The following GPR149 variants were observed in gnomAD, a reference collection of about 807,000 sequenced individuals.
The protein encoded by GPR149 is probable G protein-coupled receptor 149.
A neutral mutation model predicts 50.2 loss-of-function variants in GPR149; 50 were observed. The observed-to-expected ratio is 1.00, with a 90% CI of 0.79 to 1.26. GPR149 has a LOEUF of 1.26. Ranked by LOEUF, GPR149 falls within the 50% of genes most tolerant of loss-of-function variation. The probability of loss-of-function intolerance (pLI) is 0.00; values close to 1 mark genes in which losing one functional copy is unlikely to be tolerated. For synonymous variants in GPR149, 405 were observed against 358.2 expected (o/e 1.13, Z -1.48); for missense variants, 983 against 895.4 (o/e 1.10, Z -1.25).
chr3:154,379,602 T>A (rs917479927), intron 3 of GPR149, among the ~76,000 whole-genome samples: 3 of 152,116 alleles, frequency 2.0e-5, no homozygotes, highest in Non-Finnish European at 4.4e-5. Context: ...CCATTTTGAG[T>A]TAATTTTTGT....
intron 3 of GPR149, among the ~76,000 whole-genome samples, chr3:154,343,758 C>T (rs956815700): frequency 5.3e-5 from 8 of 152,078 alleles, no homozygotes; most frequent in Admixed American, 3.3e-4. Context: ...AGTAGAATCA[C>T]GTGAGCCCAG....
At chr3:154,379,645 T>C (rs892139154) in intron 3 of GPR149, among the ~76,000 whole-genome samples, 11 of 152,160 alleles carry the variant, frequency 7.2e-5, no homozygotes, top group Admixed American at 1.3e-4. Context: ...AAGTTTTTGT[T>C]TTCATTTTTT....
intron 3 of GPR149, among the ~76,000 whole-genome samples, chr3:154,401,888 G>A (rs1711560223): frequency 1.3e-5 from 2 of 152,132 alleles, no homozygotes; most frequent in South Asian, 4.1e-4. Flanking sequence ...AAATACTAAA[G>A]CAACAAAGTA....
At position 154,337,720 on chromosome 3, in the gene GPR149, C is replaced by T. The variant is rs779700534; in HGVS notation, c.2175G>A (p.Glu725=). ...QLLNKAYRKR[E]EESKGS is the part of the protein sequence containing the mutation. ...CCCACTAACTACCCTTGCTTTCTTCCTCTCTTTTTCTGTAAGCTTTATTTA... is the reference window on the plus strand; with the variant it reads ...CCCACTAACTACCCTTGCTTTCTTCTTCTCTTTTTCTGTAAGCTTTATTTA... The change falls in exon 4 of 4, where the codon GAG becomes GAA. Residue 725 remains glutamate (E), a synonymous_variant. Coordinates refer to ENST00000389740, the MANE Select transcript of GPR149 (RefSeq NM_001038705.3). The T allele has an allele frequency of 6.2e-7, 1 of 1,602,394 alleles. No homozygotes were observed. The highest frequency in any genetic ancestry group is 2.2e-5 in the East Asian group (1 of 44,824).
chr3:154,388,091 T>C (rs943485992), intron 3 of GPR149, among the ~76,000 whole-genome samples: 2 of 152,206 alleles, frequency 1.3e-5, no homozygotes, highest in African/African-American at 4.8e-5. Flanking sequence ...GTGAACTATA[T>C]AGATTCTAAT....
chr3:154,426,590 A>C (rs776488199), intron 2 of GPR149, among the ~76,000 whole-genome samples: 2 of 152,188 alleles, frequency 1.3e-5, no homozygotes, highest in African/African-American at 4.8e-5. Flanking sequence ...TTTTGTCTAG[A>C]ATAATACAAT....
intron 3 of GPR149, among the ~76,000 whole-genome samples, chr3:154,380,829 G>T (rs1043616669): frequency 2.1e-4 from 32 of 152,006 alleles, no homozygotes. Flanking sequence ...TCAGATATGG[G>T]GTTTTAAAAG....
At position 154,382,136 on chromosome 3, in the gene GPR149, A is replaced by G. The variant is rs531698469; in HGVS notation, c.1623+38903T>C. On this transcript the variant is annotated intron_variant, in intron 3 of 3. Transcript: ENST00000389740. ...GATTATGAGAGACTAGAAGACATTT[A>G]AAATCTGGGTTTTGAAAGTAGAAGA... Among the ~76,000 whole-genome samples, 7 of 152,334 alleles carry G rather than the reference A, an allele frequency of 4.6e-5. No individual in the cohort carries two copies. The East Asian group carries it at 1.3e-3, about 29-fold the overall frequency.
chr3:154,342,036 T>C (rs1203115309), intron 3 of GPR149, among the ~76,000 whole-genome samples: 1 of 152,210 alleles, frequency 6.6e-6, no homozygotes, highest in Non-Finnish European at 1.5e-5. Flanking sequence ...TAGATACCTA[T>C]CTCATGTTAC....
chr3:154,406,781 AG>A (rs1344059233), intron 3 of GPR149, among the ~76,000 whole-genome samples: 1 of 152,258 alleles, frequency 6.6e-6, no homozygotes, highest in Non-Finnish European at 1.5e-5. Flanking sequence ...CAAGGTGGAA[AG>A]AATGAGAAAA....
rs1712433302 is a variant in GPR149, at chr3:154,429,723, C to T, written c.-108G>A. The T allele has an allele frequency of 1.1e-6, 1 of 945,416 alleles. No homozygotes were observed. The highest frequency in any genetic ancestry group is 1.6e-5 in the African/African-American group (1 of 60,896). The allele number at this position is 945,416 out of a possible 1,614,324, so 58.6% of individuals were successfully genotyped here. A position where few individuals can be genotyped will look rare whatever the true frequency, so the allele number is the denominator to read the frequency against. ...TTCATTCCTCCTACCAAGTTCCCCT[C>T]TAGATGTTCTCCTTGTCAGTCCTGC... is the stretch of plus-strand genomic sequence containing the variant. On this transcript the variant is annotated 5_prime_UTR_variant, in exon 1 of 4. Coordinates refer to ENST00000389740, the MANE Select transcript of GPR149 (RefSeq NM_001038705.3).
chr3:154,428,506 G>T, intron 1 of GPR149, 129 bp downstream of exon 1: 1 of 1,055,138 alleles, frequency 9.5e-7, no homozygotes, highest in African/African-American at 1.6e-5. Flanking sequence ...AAAACCCAGC[G>T]AGATACACTT....
At chr3:154,388,287 T>C (rs1217676559) in intron 3 of GPR149, among the ~76,000 whole-genome samples, 1 of 152,080 alleles carries the variant, frequency 6.6e-6, no homozygotes, top group Non-Finnish European at 1.5e-5. Context: ...AACAGCAGTA[T>C]TCATATATAT....
chr3:154,406,269 A>T (rs1711682944), intron 3 of GPR149, among the ~76,000 whole-genome samples: 1 of 152,166 alleles, frequency 6.6e-6, no homozygotes, highest in Admixed American at 6.6e-5. Context: ...GATAATATAC[A>T]CTGTTACTGA....
chr3:154,394,481 G>A (rs1278380534), intron 3 of GPR149, among the ~76,000 whole-genome samples: 3 of 152,000 alleles, frequency 2.0e-5, no homozygotes, highest in Non-Finnish European at 4.4e-5. Flanking sequence ...GTTACTATTG[G>A]CAATGATTTC....
chr3:154,394,629 T>C (rs1411323503), intron 3 of GPR149, among the ~76,000 whole-genome samples: 1 of 152,110 alleles, frequency 6.6e-6, no homozygotes, highest in Non-Finnish European at 1.5e-5. Context: ...AGAAAATATT[T>C]GTAAACCATA....
At chr3:154,380,600 C>G (rs1354026005) in intron 3 of GPR149, among the ~76,000 whole-genome samples, 2 of 152,106 alleles carry the variant, frequency 1.3e-5, no homozygotes, top group African/African-American at 4.8e-5. Flanking sequence ...AGTCACTGTA[C>G]CCAGCCCTAT....
chr3:154,377,348 A>AATAATT (rs371611941), intron 3 of GPR149, among the ~76,000 whole-genome samples: 2 of 139,252 alleles, frequency 1.4e-5, no homozygotes, highest in Non-Finnish European at 3.1e-5. Flanking sequence ...TCTGCTCTGT[A>AATAATT]ATTATTATTA....
At chr3:154,412,992 A>G (rs747455196) in intron 3 of GPR149, among the ~76,000 whole-genome samples, 2 of 152,148 alleles carry the variant, frequency 1.3e-5, no homozygotes, top group African/African-American at 2.4e-5. Flanking sequence ...ACCCAGAAAT[A>G]AAACCAAATA....
Sources: gnomAD v4.1 joint callset for allele counts (sites outside exome capture counted in the v4.1 genomes callset) on GRCh38, gnomAD v4.1.1 for gene constraint, MANE v1.5 for transcripts, NCBI Gene and HGNC (gene_info 2026-07-23, HGNC 2026-07-21) for gene names.